The following CCDC144A variants were observed in gnomAD, a reference collection of about 807,000 sequenced individuals.
The protein encoded by CCDC144A is coiled-coil domain-containing protein 144A.
Under a neutral mutation model 143.8 loss-of-function variants are expected in CCDC144A, and 41 were observed. The ratio of observed to expected loss-of-function variants is 0.29; its 90% confidence interval spans 0.22 to 0.37. The LOEUF (loss-of-function observed/expected upper bound fraction) is 0.37, where lower values mean the gene tolerates loss of function less well. Ranked by LOEUF, CCDC144A falls within the 10% of genes least tolerant of loss-of-function variation. CCDC144A has a pLI of 1.00. For synonymous variants in CCDC144A, 242 were observed against 517.9 expected, an observed-to-expected ratio of 0.47 and a Z score of 7.23; for missense variants, 637 against 1,488.8, an observed-to-expected ratio of 0.43 and a Z score of 9.41.
rs1177801187 is a variant in CCDC144A at position 16,774,219 on chromosome 17, AAAAACAGCTTTCCC to A, written c.*587_*600del. 6.6e-6 allele frequency: 1 copy of A among 151,136 alleles called. No homozygotes were observed. The highest frequency in any genetic ancestry group is 1.5e-5 in the Non-Finnish European group (1 of 67,982). The allele number at this position is 151,136 out of a possible 1,614,324, so 9.4% of individuals were successfully genotyped here. ...TTGGAGAAAATTTCCACATTTTAGGAAAAACAGCTTTCCCCCTGTGGGCCATTTGAGAGTAAATT... is the reference window on the plus strand; with the variant it reads ...TTGGAGAAAATTTCCACATTTTAGGACCTGTGGGCCATTTGAGAGTAAATT... On this transcript the variant is annotated 3_prime_UTR_variant, in exon 17 of 17. Coordinates refer to ENST00000399273, the MANE Select transcript of CCDC144A (RefSeq NM_001382000.1).
chr17:16,674,842 A>T, the CCDC144A span, among the ~76,000 whole-genome samples: 3 of 152,186 alleles, frequency 2.0e-5, no homozygotes, highest in Non-Finnish European at 4.4e-5. Context: ...TAGGAAATCT[A>T]TAAATCTAAT....
intron 12 of CCDC144A, among the ~76,000 whole-genome samples, chr17:16,759,327 A>C (rs1317073331): frequency 6.6e-6 from 1 of 152,248 alleles, no homozygotes; most frequent in East Asian, 1.9e-4. Flanking sequence ...GTAAGCCAAA[A>C]GGCTTACACA....
At chr17:16,721,785 A>G (rs1597557074) in intron 8 of CCDC144A, among the ~76,000 whole-genome samples, 1 of 151,996 alleles carries the variant, frequency 6.6e-6, no homozygotes, top group African/African-American at 2.4e-5. Context: ...TAGACAATAC[A>G]TATGTTAAAA....
chr17:16,734,342 T>C (rs533437611), intron 11 of CCDC144A, among the ~76,000 whole-genome samples: 57 of 152,266 alleles, frequency 3.7e-4, no homozygotes, highest in Non-Finnish European at 6.5e-4. Context: ...TAGGGTGGTG[T>C]ATAGGTTAGA....
intron 11 of CCDC144A, among the ~76,000 whole-genome samples, chr17:16,733,503 CAAA>C (rs575145486): frequency 7.5e-5 from 6 of 79,804 alleles, no homozygotes; most frequent in Admixed American, 1.4e-4. Flanking sequence ...GACTCCGTCT[CAAA>C]AAAAAAAAAA....
At chr17:16,733,154 G>A (rs1356275829) in intron 11 of CCDC144A, among the ~76,000 whole-genome samples, 9 of 151,208 alleles carry the variant, frequency 6.0e-5, no homozygotes, top group South Asian at 2.1e-4. Context: ...TCCAAGTAGC[G>A]TCTCATTTCA....
chr17:16,721,155 C>T (rs1463073869), intron 8 of CCDC144A, among the ~76,000 whole-genome samples: 1 of 151,918 alleles, frequency 6.6e-6, no homozygotes. Context: ...CTGTGTCCCA[C>T]TCTGTGTCTT....
intron 15 of CCDC144A, among the ~76,000 whole-genome samples, chr17:16,769,639 C>G (rs1915746080): frequency 6.6e-6 from 1 of 152,130 alleles, no homozygotes; most frequent in Non-Finnish European, 1.5e-5. Context: ...TTCAAGTTTT[C>G]TGTTCTGCGG....
Position 16,727,846 on chromosome 17 carries a change from T to C in CCDC144A, c.2105+106T>C. 1.1e-5 allele frequency: 12 copies of C among 1,065,288 alleles called. 1 individual carries two copies. The highest frequency in any genetic ancestry group is 3.0e-5 in the East Asian group (1 of 33,120). The allele number at this position is 1,065,288 out of a possible 1,614,324, so 66.0% of individuals were successfully genotyped here. A position where few individuals can be genotyped will look rare whatever the true frequency, so the allele number is the denominator to read the frequency against. ...CAGAATAATGGGGGAGAAACCTTTT[T>C]GGTCTTGTGGAATATGAAATTCTTG... is the stretch of plus-strand genomic sequence containing the variant. On this transcript the variant is annotated intron_variant, in intron 9 of 16. Coordinates refer to ENST00000399273, the MANE Select transcript of CCDC144A (RefSeq NM_001382000.1).
intron 12 of CCDC144A, chr17:16,746,832 C>G (rs1914550997): frequency 5.8e-6 from 6 of 1,027,572 alleles, no homozygotes. Context: ...CCGCGTACCG[C>G]GCTGGGAGGC....
chr17:16,706,073 A>G (rs1326760309), intron 3 of CCDC144A: 1 of 151,798 alleles, frequency 6.6e-6, no homozygotes, highest in Non-Finnish European at 1.5e-5. Flanking sequence ...ATAGAGGAAG[A>G]CTCCGGTCTC....
In CCDC144A at chr17:16,775,075, G is replaced by A. The variant is rs1915959747; in HGVS notation, c.*1442G>A. The A allele has an allele frequency of 6.6e-6, 1 of 151,834 alleles. No individual in the cohort carries two copies. The highest frequency in any genetic ancestry group is 2.4e-5 in the African/African-American group (1 of 41,304). The allele number at this position is 151,834 out of a possible 1,614,324, so 9.4% of individuals were successfully genotyped here. ...TTTCATGGCTGCATAGTATTCCATG[G>A]TGTATATGTACCACATTTTCTTTAT... On this transcript the variant is annotated 3_prime_UTR_variant, in exon 17 of 17. Transcript: ENST00000399273.
intron 8 of CCDC144A, among the ~76,000 whole-genome samples, chr17:16,721,196 T>C (rs1913073022): frequency 6.6e-6 from 1 of 151,986 alleles, no homozygotes; most frequent in Non-Finnish European, 1.5e-5. Flanking sequence ...ATAGCTTCAG[T>C]GAGGTATAAC....
chr17:16,696,836 C>A (rs3894333), intron 2 of CCDC144A, among the ~76,000 whole-genome samples: 1 of 151,636 alleles, frequency 6.6e-6, no homozygotes, highest in Non-Finnish European at 1.5e-5. Flanking sequence ...GTTTTCATGG[C>A]TGACTAATTA....
At chr17:16,700,551 C>A (rs1037494032) in intron 2 of CCDC144A, among the ~76,000 whole-genome samples, 3 of 152,106 alleles carry the variant, frequency 2.0e-5, no homozygotes, top group African/African-American at 7.2e-5. Context: ...GCCTTGCAAG[C>A]AAGCCTTTCT....
intron 1 of CCDC144A, among the ~76,000 whole-genome samples, chr17:16,692,594 C>G (rs1911153767): frequency 6.6e-6 from 1 of 150,492 alleles, no homozygotes; most frequent in Non-Finnish European, 1.5e-5. Context: ...ATTTACAAAA[C>G]GTTTTCTTGT....
At chr17:16,683,910 G>C in the CCDC144A span, 2,133 of 1,329,840 alleles carry the variant, frequency 1.6e-3, 26 homozygotes, top group African/African-American at 0.026. Flanking sequence ...TCCAGTAATG[G>C]GCGTAGAAAG....
At chr17:16,698,387 C>A (rs1349681726) in intron 2 of CCDC144A, among the ~76,000 whole-genome samples, 1 of 152,060 alleles carries the variant, frequency 6.6e-6, no homozygotes, top group Non-Finnish European at 1.5e-5. Flanking sequence ...GCACTGTCTT[C>A]TAAAGAACAA....
intron 6 of CCDC144A, among the ~76,000 whole-genome samples, chr17:16,719,402 G>A (rs974808748): frequency 3.9e-5 from 6 of 152,172 alleles, no homozygotes; most frequent in African/African-American, 1.4e-4. Context: ...AAAATTGCAA[G>A]ATTCTGACAT....
Sources: gnomAD v4.1 joint callset for allele counts (sites outside exome capture counted in the v4.1 genomes callset) on GRCh38, gnomAD v4.1.1 for gene constraint, MANE v1.5 for transcripts, NCBI Gene and HGNC (gene_info 2026-07-23, HGNC 2026-07-21) for gene names.